The following SIPA1L2 variants were observed in gnomAD, a reference collection of about 807,000 sequenced individuals.
SIPA1L2 encodes the protein signal-induced proliferation-associated 1-like protein 2.
A neutral mutation model predicts 163.9 loss-of-function variants in SIPA1L2; 56 were observed. That is an observed-to-expected ratio of 0.34 (90% CI 0.28 to 0.43). The LOEUF (loss-of-function observed/expected upper bound fraction) is 0.43, where lower values mean the gene tolerates loss of function less well. Among genes scored for constraint, SIPA1L2 ranks in the 20% least tolerant of loss-of-function variants. SIPA1L2 has a pLI of 1.00. For missense variants in SIPA1L2, 1,974 were observed against 2,193.5 expected (o/e 0.90, Z 2.00); for synonymous variants, 877 against 865.7 (o/e 1.01, Z -0.23).
In SIPA1L2 at chr1:232,610,682, G is replaced by A. The variant is rs370148779; in HGVS notation, c.-319+19187C>T. ...AGGCACCTGGGCCTGACACTAGGCCGCCAGAAGAGCTCAGAGTTCAGCCTT... is the reference window on the plus strand; with the variant it reads ...AGGCACCTGGGCCTGACACTAGGCCACCAGAAGAGCTCAGAGTTCAGCCTT... On this transcript the variant is annotated intron_variant, in intron 1 of 22. Coordinates refer to ENST00000674635, the MANE Select transcript of SIPA1L2 (RefSeq NM_020808.5). Among the ~76,000 whole-genome samples, 9 of 152,132 alleles carry A rather than the reference G, an allele frequency of 5.9e-5. No homozygotes were observed. In the East Asian group the frequency reaches 7.7e-4, roughly 13 times the overall value.
chr1:232,607,761 A>T (rs12116785), intron 1 of SIPA1L2, among the ~76,000 whole-genome samples: 24,490 of 146,824 alleles, frequency 0.17, 2,558 homozygotes, highest in African/African-American at 0.31. Context: ...CCTCTTTTTT[A>T]AAAAAAAAAA....
chr1:232,601,130 T>G (rs1661575849), intron 1 of SIPA1L2, among the ~76,000 whole-genome samples: 1 of 152,130 alleles, frequency 6.6e-6, no homozygotes, highest in Non-Finnish European at 1.5e-5. Context: ...GGTGGCCTAT[T>G]CACTCAGCCC....
chr1:232,479,864 C>T (rs1665236258), intron 6 of SIPA1L2, 134 bp from the exon 7 acceptor site: 1 of 662,320 alleles, frequency 1.5e-6, no homozygotes, highest in African/African-American at 1.8e-5. Flanking sequence ...TGGATGCTGC[C>T]CATCCAGCTT....
intron 2 of SIPA1L2, among the ~76,000 whole-genome samples, chr1:232,566,375 A>G (rs1659404737): frequency 6.6e-6 from 1 of 152,212 alleles, no homozygotes; most frequent in South Asian, 2.1e-4. Flanking sequence ...GAAATGTTTA[A>G]TAAAAGCAAA....
At chr1:232,436,784 T>C (rs749306695) in intron 15 of SIPA1L2, among the ~76,000 whole-genome samples, 1 of 152,206 alleles carries the variant, frequency 6.6e-6, no homozygotes, top group Non-Finnish European at 1.5e-5. Flanking sequence ...TCGCCTCCTG[T>C]GCAGCTCGGG....
chr1:232,462,513 G>T, intron 9 of SIPA1L2: 1 of 601,848 alleles, frequency 1.7e-6, no homozygotes, highest in Non-Finnish European at 2.6e-6. Flanking sequence ...GCTTTTCCCA[G>T]ACAGGCATGA....
At chr1:232,476,601 C>T (rs554786897) in intron 7 of SIPA1L2, among the ~76,000 whole-genome samples, 1 of 152,206 alleles carries the variant, frequency 6.6e-6, no homozygotes, top group East Asian at 1.9e-4. Flanking sequence ...GATGGACTGC[C>T]AGACAGATGC....
intron 2 of SIPA1L2, among the ~76,000 whole-genome samples, chr1:232,535,655 A>C (rs1657257027): frequency 1.3e-5 from 2 of 152,216 alleles, no homozygotes; most frequent in African/African-American, 4.8e-5. Context: ...TTGAATATGA[A>C]TATATACCAT....
At chr1:232,536,328 G>GT (rs950621276) in intron 2 of SIPA1L2, among the ~76,000 whole-genome samples, 2 of 152,196 alleles carry the variant, frequency 1.3e-5, no homozygotes, top group African/African-American at 4.8e-5. Flanking sequence ...TATGTAGATG[G>GT]TTTTCACAGG....
intron 1 of SIPA1L2, among the ~76,000 whole-genome samples, chr1:232,575,806 T>C (rs1660047567): frequency 6.6e-6 from 1 of 151,910 alleles, no homozygotes; most frequent in South Asian, 2.1e-4. Context: ...GAAAACAACA[T>C]ATGGGAAATA....
At position 232,614,167 on chromosome 1, in the gene SIPA1L2, C is replaced by T. The variant is rs563471672; in HGVS notation, c.-319+15702G>A. On this transcript the variant is annotated intron_variant, in intron 1 of 22. Coordinates refer to ENST00000674635, the MANE Select transcript of SIPA1L2 (RefSeq NM_020808.5). ...GGCTCACACTCCACACAGGGATTGC[C>T]AGATACTTCGTGTAACAGCGTAAGA... Among the ~76,000 whole-genome samples the T allele has an allele frequency of 2.0e-5, 3 of 152,122 alleles. No individual in the cohort carries two copies. The East Asian group carries it at 5.8e-4, about 29-fold the overall frequency.
chr1:232,583,380 G>A (rs1660486486), intron 1 of SIPA1L2, among the ~76,000 whole-genome samples: 1 of 152,128 alleles, frequency 6.6e-6, no homozygotes, highest in Non-Finnish European at 1.5e-5. Flanking sequence ...CCATCTGCTT[G>A]TAGACAAGCA....
intron 1 of SIPA1L2, among the ~76,000 whole-genome samples, chr1:232,588,508 A>G (rs1353575922): frequency 6.6e-6 from 1 of 152,236 alleles, no homozygotes; most frequent in East Asian, 1.9e-4. Context: ...TGGCCAATGC[A>G]TGATATTCAA....
At chr1:232,610,792 G>T (rs1297482410) in intron 1 of SIPA1L2, among the ~76,000 whole-genome samples, 2 of 152,166 alleles carry the variant, frequency 1.3e-5, no homozygotes, top group Non-Finnish European at 2.9e-5. Flanking sequence ...AAGTGAAGGA[G>T]AATAAGGGTA....
At chr1:232,420,344 T>C (rs150899221) in intron 18 of SIPA1L2, among the ~76,000 whole-genome samples, 35 of 152,112 alleles carry the variant, frequency 2.3e-4, no homozygotes, top group African/African-American at 8.0e-4. Context: ...CAAAAAAAGA[T>C]ACACATAGTG....
In SIPA1L2 at chr1:232,617,401, T is replaced by C. The variant is rs549902131; in HGVS notation, c.-319+12468A>G. 6.6e-4 allele frequency among the ~76,000 whole-genome samples: 100 copies of C among 152,290 alleles called. 1 individual carries two copies. The highest frequency in any genetic ancestry group is 2.3e-3 in the African/African-American group (95 of 41,556). Reference sequence around the variant, plus strand: ...AAGTTGAGATGTGACTGAAGATAAATACATAAATATCTGACAGAAATTGCT... The same window carrying C: ...AAGTTGAGATGTGACTGAAGATAAACACATAAATATCTGACAGAAATTGCT... On this transcript the variant is annotated intron_variant, in intron 1 of 22. Coordinates refer to ENST00000674635, the MANE Select transcript of SIPA1L2 (RefSeq NM_020808.5).
Position 232,514,427 on chromosome 1 carries a change from A to G in SIPA1L2, c.913T>C (p.Phe305Leu). Residue 305 changes from phenylalanine to leucine, a missense_variant, in exon 3 of 23, where the codon TTC becomes CTC. Phe to Leu is a conservative substitution (Grantham distance 22, BLOSUM62 0). This residue lies in a region of SIPA1L2 where 607 missense variants were observed against 624.0 expected (regional missense o/e 0.97). Coordinates refer to ENST00000674635, the MANE Select transcript of SIPA1L2 (RefSeq NM_020808.5). Reference protein sequence around the residue: ...LRTVKSEHETFKFTSELEESR... With the variant: ...LRTVKSEHETLKFTSELEESR... ...TCCTCCAGCTCAGACGTGAACTTGA[A>G]AGTTTCGTGCTCACTTTTAACAGTT... 6.2e-7 allele frequency: 1 copy of G among 1,614,206 alleles called. No individual in the cohort carries two copies. The highest frequency in any genetic ancestry group is 1.1e-5 in the South Asian group (1 of 91,088).
At position 232,441,825 on chromosome 1, in the gene SIPA1L2, A is replaced by G; in HGVS notation, c.3481T>C (p.Leu1161=). The G allele has an allele frequency of 6.2e-7, 1 of 1,613,710 alleles. No homozygotes were observed. Among genetic ancestry groups the G allele is most frequent in the Middle Eastern group, 1.6e-4 (1 of 6,062 alleles). ...LLLEHQGSGP[L]ECDGARERED... is the part of the protein sequence containing the mutation. ...CTCTCCCTGGCTCCGTCACATTCCA[A>G]AGGGCCTGAGCCCTGGTGTTCGAGC... Residue 1161 remains leucine, a synonymous_variant, in exon 13 of 23, where the codon TTG becomes CTG. Transcript: ENST00000674635.
chr1:232,527,790 G>A (rs1215888381), intron 2 of SIPA1L2, among the ~76,000 whole-genome samples: 4 of 135,148 alleles, frequency 3.0e-5, no homozygotes, highest in African/African-American at 1.1e-4. Context: ...GGGGTGCAGA[G>A]GTGCAATCAA....
Sources: allele counts gnomAD v4.1 joint callset (sites outside exome capture counted in the v4.1 genomes callset), GRCh38; gene constraint gnomAD v4.1.1; regional missense constraint gnomAD v4.1.1; transcripts MANE v1.5; gene names NCBI Gene and HGNC (gene_info 2026-07-23, HGNC 2026-07-21).